Variants in KLRD1 observed in about 807,000 individuals in gnomAD.
KLRD1 encodes the protein natural killer cells antigen CD94.
A neutral mutation model predicts 22.6 loss-of-function variants in KLRD1; 21 were observed. The ratio of observed to expected loss-of-function variants is 0.93; its 90% CI spans 0.66 to 1.34. The LOEUF is 1.34. Ranked by LOEUF, KLRD1 falls within the 40% of genes most tolerant of loss-of-function variation. The pLI is 0.00. For missense variants in KLRD1, 183 were observed against 208.6 expected (o/e 0.88, Z 0.76); for synonymous variants, 59 against 71.1 (o/e 0.83, Z 0.85).
chr12:10,256,937 T>C (rs1341717057), intron 1 of KLRD1, among the ~76,000 whole-genome samples: 1 of 151,920 alleles, frequency 6.6e-6, no homozygotes, highest in Non-Finnish European at 1.5e-5. Flanking sequence ...ATGCTTTAAT[T>C]TCACCCTCAT....
intron 4 of KLRD1, 123 bp downstream of exon 4, chr12:10,311,738 A>C: frequency 1.2e-6 from 1 of 813,310 alleles, no homozygotes; most frequent in East Asian, 2.7e-5. Context: ...ATTGGAATTG[A>C]GTTATCTGTT....
chr12:10,271,007 TTCCTGACCTCAGGTGA>T (rs1289603595), intron 1 of KLRD1, among the ~76,000 whole-genome samples: 1 of 151,994 alleles, frequency 6.6e-6, no homozygotes, highest in African/African-American at 2.4e-5. Context: ...TGGTCTCGAA[TTCCTGACCTCAGGTGA>T]TCCGCCTGCC....
chr12:10,266,629 C>G (rs575696987), intron 1 of KLRD1, among the ~76,000 whole-genome samples: 2 of 151,334 alleles, frequency 1.3e-5, no homozygotes, highest in South Asian at 4.2e-4. Context: ...TTTTTCATAC[C>G]TATTATTAGA....
rs1214587082 is a variant in KLRD1 at position 10,316,163 on chromosome 12, T to C, written c.*1370T>C. 1 of 148,732 alleles carries C rather than the reference T, an allele frequency of 6.7e-6. No individual in the cohort carries two copies. The highest frequency in any genetic ancestry group is 1.5e-5 in the Non-Finnish European group (1 of 67,528). The allele number at this position is 148,732 out of a possible 1,614,324, so 9.2% of individuals were successfully genotyped here. A position where few individuals can be genotyped will look rare whatever the true frequency, so the allele number is the denominator to read the frequency against. On this transcript the variant is annotated 3_prime_UTR_variant, in exon 6 of 6. Transcript: ENST00000336164. ...AAGATGAAAGGATTTGGAACCTTAA[T>C]TGCATCTGAAAAACTGCCTCACCTT...
chr12:10,306,031 T>A (rs1186606249), upstream of KLRD1, among the ~76,000 whole-genome samples: 1 of 148,842 alleles, frequency 6.7e-6, no homozygotes, highest in Admixed American at 6.7e-5. Context: ...TAGCTGGGCG[T>A]GGTGGCGGGA....
At chr12:10,277,185 A>G (rs1949600419) in intron 1 of KLRD1, among the ~76,000 whole-genome samples, 1 of 151,254 alleles carries the variant, frequency 6.6e-6, no homozygotes, top group Non-Finnish European at 1.5e-5. Context: ...ATCTATCTCA[A>G]ACATGCAGGG....
chr12:10,257,592 A>G lies in KLRD1; in HGVS notation c.-101+31359A>G, dbSNP rs548104325. On this transcript the variant is annotated intron_variant, in intron 1 of 5. Coordinates refer to the KLRD1 transcript ENST00000544747. ...TTATATTAATATTTTCTATTTGTTG[A>G]TATTCTCATTTTGTTCTATGTATCA... 8.8e-5 allele frequency among the ~76,000 whole-genome samples: 12 copies of G among 136,416 alleles called. No homozygotes were observed. In the South Asian group the frequency reaches 2.7e-3, roughly 31 times the overall value. The allele number at this position is 136,416 out of a possible 152,430, so 89.5% of individuals were successfully genotyped here.
chr12:10,241,564 CA>C (rs1431004732), intron 1 of KLRD1, among the ~76,000 whole-genome samples: 1 of 151,946 alleles, frequency 6.6e-6, no homozygotes, highest in African/African-American at 2.4e-5. Context: ...GTAAAACTGG[CA>C]ATAGGTTGGA....
Position 10,307,912 on chromosome 12 carries a change from A to G in KLRD1, c.-166A>G. Reference sequence around the variant, plus strand: ...TGTCTCACCAATAGATGATTCAAGAACATCATTTAAATACACAATTTTTCA... The same window carrying G: ...TGTCTCACCAATAGATGATTCAAGAGCATCATTTAAATACACAATTTTTCA... On this transcript the variant is annotated 5_prime_UTR_variant, in exon 1 of 6. Coordinates refer to ENST00000336164, the MANE Select transcript of KLRD1 (RefSeq NM_002262.5). 3.1e-6 allele frequency: 2 copies of G among 636,042 alleles called. No homozygotes were observed. Among genetic ancestry groups the G allele is most frequent in the Admixed American group, 2.7e-5 (1 of 37,344 alleles). The allele number at this position is 636,042 out of a possible 1,614,324, so 39.4% of individuals were successfully genotyped here.
At chr12:10,280,252 A>G (rs1949627473) in intron 1 of KLRD1, among the ~76,000 whole-genome samples, 1 of 152,190 alleles carries the variant, frequency 6.6e-6, no homozygotes, top group Admixed American at 6.5e-5. Context: ...TTAAATGAAA[A>G]ATAATCACTG....
chr12:10,291,794 C>A (rs1949773011), intron 1 of KLRD1, among the ~76,000 whole-genome samples: 1 of 151,924 alleles, frequency 6.6e-6, no homozygotes, highest in Non-Finnish European at 1.5e-5. Flanking sequence ...CTTCCCCTTG[C>A]CCCCCACCTT....
intron 1 of KLRD1, among the ~76,000 whole-genome samples, chr12:10,255,268 G>A (rs1050785412): frequency 1.1e-4 from 16 of 152,036 alleles, no homozygotes; most frequent in Admixed American, 2.0e-4. Flanking sequence ...GTAGCTAAAG[G>A]TTTACTAATA....
chr12:10,303,882 C>T (rs144780666), upstream of KLRD1, among the ~76,000 whole-genome samples: 7 of 152,212 alleles, frequency 4.6e-5, no homozygotes, highest in East Asian at 1.2e-3. Flanking sequence ...CCAAGGCCTA[C>T]AGATGCAAAA....
chr12:10,292,518 C>G (rs1009392698), intron 1 of KLRD1, among the ~76,000 whole-genome samples: 30 of 152,136 alleles, frequency 2.0e-4, no homozygotes, highest in African/African-American at 7.0e-4. Context: ...GGCTCATTCT[C>G]AATGAGCCAT....
chr12:10,306,584 GA>G (rs1333627654), upstream of KLRD1, among the ~76,000 whole-genome samples: 1 of 152,114 alleles, frequency 6.6e-6, no homozygotes, highest in South Asian at 2.1e-4. Context: ...TTACATGGGG[GA>G]AAAATAGTAT....
intron 5 of KLRD1, 81 bp from the exon 6 acceptor site, chr12:10,314,592 A>AT (rs1370954578): frequency 7.6e-7 from 1 of 1,318,622 alleles, no homozygotes. Context: ...TGCTTTTAAA[A>AT]TTTATATCAT....
rs890869723 is a variant in KLRD1 at position 10,317,467 on chromosome 12, C to T, written c.*2674C>T. 10 of 152,170 alleles carry T rather than the reference C, an allele frequency of 6.6e-5. No individual in the cohort carries two copies. The highest frequency in any genetic ancestry group is 9.7e-5 in the African/African-American group (4 of 41,414). The allele number at this position is 152,170 out of a possible 1,614,324, so 9.4% of individuals were successfully genotyped here. A position where few individuals can be genotyped will look rare whatever the true frequency, so the allele number is the denominator to read the frequency against. ...ACCAGACACCTGCAAGTTACCTCAC[C>T]GCAACCTTGGCATTATCAGTACTGG... On this transcript the variant is annotated 3_prime_UTR_variant, in exon 6 of 6. Transcript: ENST00000336164.
intron 4 of KLRD1, among the ~76,000 whole-genome samples, chr12:10,312,545 A>G (rs187422757): frequency 4.0e-5 from 6 of 150,378 alleles, no homozygotes; most frequent in Non-Finnish European, 8.9e-5. Flanking sequence ...CGCCCAGTTA[A>G]TTTTGTGTAT....
chr12:10,288,728 A>G (rs538036972), intron 1 of KLRD1, among the ~76,000 whole-genome samples: 43 of 152,364 alleles, frequency 2.8e-4, no homozygotes, highest in African/African-American at 1.0e-3. Context: ...ATTAAATATC[A>G]ATTATAGACT....
Sources: gnomAD v4.1 joint callset for allele counts (sites outside exome capture counted in the v4.1 genomes callset) on GRCh38, gnomAD v4.1.1 for gene constraint, MANE v1.5 for transcripts, NCBI Gene and HGNC (gene_info 2026-07-23, HGNC 2026-07-21) for gene names.